Variants in PRKG1 observed in about 807,000 individuals in gnomAD.
PRKG1 encodes cGMP-dependent protein kinase 1.
PRKG1 carries 35 observed loss-of-function variants against 88.1 expected under a neutral mutation model. That is an observed-to-expected ratio of 0.40 (90% CI 0.30 to 0.53). The LOEUF is 0.53. Ranked by LOEUF, PRKG1 falls within the 20% of genes least tolerant of loss-of-function variation. The pLI, the probability that PRKG1 is intolerant of heterozygous loss-of-function variation, is 0.59. For missense variants in PRKG1, 540 were observed against 839.8 expected, an observed-to-expected ratio of 0.64 and a Z score of 4.41; for synonymous variants, 303 against 292.5, an observed-to-expected ratio of 1.04 and a Z score of -0.37.
chr10:51,938,204 G>A (rs2133021491), intron 5 of PRKG1, among the ~76,000 whole-genome samples: 1 of 152,178 alleles, frequency 6.6e-6, no homozygotes, highest in South Asian at 2.1e-4. Context: ...TTGAGAAAGA[G>A]ACAGAGACCA....
intron 5 of PRKG1, among the ~76,000 whole-genome samples, chr10:52,033,182 G>A (rs201661822): frequency 1.1e-4 from 16 of 152,164 alleles, no homozygotes; most frequent in South Asian, 1.0e-3. Flanking sequence ...CACACATCTC[G>A]AGTTCAGATT....
intron 7 of PRKG1, among the ~76,000 whole-genome samples, chr10:52,106,375 A>G (rs190865481): frequency 0.01 from 1,532 of 152,292 alleles, 23 homozygotes; most frequent in African/African-American, 0.031. Flanking sequence ...AGTGTGTCCG[A>G]TGTGATATTT....
chr10:52,207,468 C>T (rs1432771250), intron 9 of PRKG1, among the ~76,000 whole-genome samples: 1 of 152,184 alleles, frequency 6.6e-6, no homozygotes, highest in Non-Finnish European at 1.5e-5. Context: ...ACAAGTAAGA[C>T]CACCCTGCTT....
At chr10:51,691,308 C>CTTTTT (rs750337206) in intron 3 of PRKG1, among the ~76,000 whole-genome samples, 13 of 134,938 alleles carry the variant, frequency 9.6e-5, no homozygotes, top group South Asian at 2.4e-4. Context: ...TTCTTTTTAT[C>CTTTTT]TTTTTTTTTT....
intron 5 of PRKG1, among the ~76,000 whole-genome samples, chr10:51,931,435 G>A (rs201014882): frequency 2.6e-5 from 4 of 152,032 alleles, no homozygotes; most frequent in African/African-American, 7.2e-5. Flanking sequence ...ACAACATAGC[G>A]AGACCCCCAT....
In PRKG1 at chr10:51,752,201, C is replaced by T. The variant is rs112369825; in HGVS notation, c.593-52384C>T. Among the ~76,000 whole-genome samples, 443 of 152,200 alleles carry T rather than the reference C, an allele frequency of 2.9e-3. 4 individuals carry two copies. The highest frequency in any genetic ancestry group is 0.01 in the African/African-American group (421 of 41,540). On this transcript the variant is annotated intron_variant, in intron 3 of 17. Transcript: ENST00000373980. ...CTTAAATGCAGCTCCATAATATAAC[C>T]TCATTATGCCTTTTAGTACTTGTGT... is the stretch of plus-strand genomic sequence containing the variant.
At chr10:51,826,141 A>T (rs1296311736) in intron 4 of PRKG1, among the ~76,000 whole-genome samples, 1 of 152,128 alleles carries the variant, frequency 6.6e-6, no homozygotes, top group Non-Finnish European at 1.5e-5. Context: ...AGAAAATGTG[A>T]TAGCCACTGT....
Position 51,741,070 on chromosome 10 carries a change from G to A in PRKG1, c.593-63515G>A, listed in dbSNP as rs576969055. On this transcript the variant is annotated intron_variant, in intron 3 of 17. Transcript: ENST00000373980. ...ATACAATGCTAAGTTTCTGAATCGA[G>A]GTGATTTCATTCTATTATTTTTTAA... is the stretch of plus-strand genomic sequence containing the variant. Among the ~76,000 whole-genome samples the A allele has an allele frequency of 1.0e-3, 152 of 152,026 alleles. 2 individuals carry two copies. In the Middle Eastern group the frequency reaches 0.017, roughly 17 times the overall value.
chr10:51,869,564 T>C (rs1376914648), intron 4 of PRKG1, among the ~76,000 whole-genome samples: 1 of 152,184 alleles, frequency 6.6e-6, no homozygotes, highest in Non-Finnish European at 1.5e-5. Flanking sequence ...TCTTATCATC[T>C]AGCTCATCTG....
chr10:51,215,969 A>G (rs567253381), intron 2 of PRKG1, among the ~76,000 whole-genome samples: 33 of 152,360 alleles, frequency 2.2e-4, no homozygotes, highest in South Asian at 4.1e-4. Flanking sequence ...AAGTGAGGAA[A>G]CAAGCCTTGA....
intron 7 of PRKG1, among the ~76,000 whole-genome samples, chr10:52,093,486 A>G (rs1904018): frequency 0.57 from 86,240 of 151,958 alleles, 25,204 homozygotes; most frequent in African/African-American, 0.7. Flanking sequence ...TAAAGAAAAA[A>G]CACCATGAAA....
At chr10:52,007,466 G>A (rs925327327) in intron 5 of PRKG1, among the ~76,000 whole-genome samples, 2 of 152,136 alleles carry the variant, frequency 1.3e-5, no homozygotes, top group African/African-American at 4.8e-5. Context: ...GAATAAAGCA[G>A]AGATTGTAAC....
chr10:51,076,681 ATG>A (rs1843961277), intron 1 of PRKG1, among the ~76,000 whole-genome samples: 1 of 152,234 alleles, frequency 6.6e-6, no homozygotes, highest in African/African-American at 2.4e-5. Context: ...GAGCTATACA[ATG>A]TGATAAGTTT....
intron 3 of PRKG1, among the ~76,000 whole-genome samples, chr10:51,711,250 C>T (rs567574899): frequency 3.3e-5 from 5 of 152,036 alleles, no homozygotes; most frequent in East Asian, 3.9e-4. Context: ...GGACTACAGG[C>T]GCCCGCCACC....
chr10:51,092,886 G>A (rs543053061), intron 1 of PRKG1, among the ~76,000 whole-genome samples: 65 of 152,238 alleles, frequency 4.3e-4, no homozygotes, highest in African/African-American at 1.5e-3. Context: ...AATGTTTGTG[G>A]ATGGGAACCA....
At chr10:52,071,532 T>G (rs1322776327) in intron 7 of PRKG1, among the ~76,000 whole-genome samples, 3 of 152,162 alleles carry the variant, frequency 2.0e-5, no homozygotes, top group African/African-American at 7.2e-5. Flanking sequence ...CTTCAGAAAT[T>G]ATTTTTAGAA....
At chr10:51,730,204 T>G (rs1233720440) in intron 3 of PRKG1, among the ~76,000 whole-genome samples, 4 of 152,274 alleles carry the variant, frequency 2.6e-5, no homozygotes, top group Non-Finnish European at 4.4e-5. Context: ...TGCAAGGATG[T>G]GCCCTCAGGC....
intron 5 of PRKG1, among the ~76,000 whole-genome samples, chr10:51,943,596 T>C (rs1266125025): frequency 1.3e-5 from 2 of 152,080 alleles, no homozygotes; most frequent in Non-Finnish European, 2.9e-5. Context: ...GAGTTTGTCA[T>C]AGATAGCCCT....
chr10:51,321,826 A>T (rs1381507166), intron 2 of PRKG1, among the ~76,000 whole-genome samples: 1 of 152,160 alleles, frequency 6.6e-6, no homozygotes, highest in Non-Finnish European at 1.5e-5. Context: ...CCCTGATGTG[A>T]TTATTATGCA....
Sources: allele counts gnomAD v4.1 joint callset (sites outside exome capture counted in the v4.1 genomes callset), GRCh38; gene constraint gnomAD v4.1.1; transcripts MANE v1.5; gene names NCBI Gene and HGNC (gene_info 2026-07-23, HGNC 2026-07-21).